MAN1A1: variants seen among roughly 807,000 people sequenced by gnomAD.
MAN1A1 encodes the protein mannosidase alpha class 1A member 1, also known as mannosyl-oligosaccharide 1,2-alpha-mannosidase IA.
In MAN1A1, 29 loss-of-function variants were observed where a neutral mutation model predicts 70.8. The observed-to-expected ratio is 0.41, with a 90% CI of 0.31 to 0.56. The LOEUF (loss-of-function observed/expected upper bound fraction) is 0.56. MAN1A1 is among the 20% of genes least tolerant of loss of function. The pLI is 0.29. For synonymous variants in MAN1A1, 349 were observed against 330.1 expected (o/e 1.06, Z -0.62); for missense variants, 747 against 841.3 (o/e 0.89, Z 1.39).
intron 6 of MAN1A1, among the ~76,000 whole-genome samples, chr6:119,226,216 T>G (rs953646404): frequency 6.6e-6 from 1 of 152,160 alleles, no homozygotes; most frequent in African/African-American, 2.4e-5. Context: ...AATATTTGAT[T>G]GCCATAACAC....
At position 119,207,245 on chromosome 6, in the gene MAN1A1, C is replaced by T. The variant is rs566372367; in HGVS notation, c.993-2363G>A. ...AAAATGGTACTCTTTTCTGTCACCA[C>T]CCCCCCAACCCCCAACCACGGAAGC... On this transcript the variant is annotated intron_variant, in intron 6 of 12. Coordinates refer to ENST00000368468, the MANE Select transcript of MAN1A1 (RefSeq NM_005907.4). Among the ~76,000 whole-genome samples the T allele has an allele frequency of 4.6e-5, 7 of 151,860 alleles. No homozygotes were observed. In the South Asian group the frequency reaches 8.3e-4, roughly 18 times the overall value.
chr6:119,330,452 AG>A (rs757448186), intron 2 of MAN1A1, among the ~76,000 whole-genome samples: 31 of 152,156 alleles, frequency 2.0e-4, no homozygotes, highest in Non-Finnish European at 3.5e-4. Context: ...AAGTATCTCA[AG>A]GATCTGTTCA....
chr6:119,306,042 C>T (rs1277733295), intron 3 of MAN1A1, among the ~76,000 whole-genome samples: 1 of 152,134 alleles, frequency 6.6e-6, no homozygotes, highest in Non-Finnish European at 1.5e-5. Flanking sequence ...GCATGAATGG[C>T]ACTTGGCACA....
chr6:119,248,204 G>T, intron 6 of MAN1A1, 56 bp downstream of exon 6: 1 of 1,166,230 alleles, frequency 8.6e-7, no homozygotes, highest in South Asian at 1.3e-5. Flanking sequence ...TACTTATTAG[G>T]CAACAATCTG....
chr6:119,256,181 A>G (rs975578), intron 5 of MAN1A1, among the ~76,000 whole-genome samples: 48,047 of 152,066 alleles, frequency 0.32, 7,916 homozygotes, highest in East Asian at 0.56. Context: ...TGAGTTTACT[A>G]ATATATAAAA....
At chr6:119,337,132 A>G (rs1773474502) in intron 2 of MAN1A1, among the ~76,000 whole-genome samples, 2 of 152,180 alleles carry the variant, frequency 1.3e-5, no homozygotes, top group South Asian at 4.1e-4. Context: ...TTACAGTCAT[A>G]TAAGAAAATG....
chr6:119,270,821 T>C (rs893805314), intron 5 of MAN1A1, among the ~76,000 whole-genome samples: 4 of 152,216 alleles, frequency 2.6e-5, no homozygotes, highest in Admixed American at 6.5e-5. Flanking sequence ...CTATTTATAA[T>C]ACAATAGAAT....
Position 119,188,393 on chromosome 6 carries a change from T to C in MAN1A1, c.1719+12A>G, listed in dbSNP as rs774030341. ...AATTTATCTATAAGAAACATGCAAATTAAAACATCACCTCTACGGCTTCCC... is the reference window on the plus strand; with the variant it reads ...AATTTATCTATAAGAAACATGCAAACTAAAACATCACCTCTACGGCTTCCC... On this transcript the variant is annotated intron_variant, in intron 11 of 12. Coordinates refer to ENST00000368468, the MANE Select transcript of MAN1A1 (RefSeq NM_005907.4). The C allele has an allele frequency of 1.3e-6, 2 of 1,581,132 alleles. No homozygotes were observed. The highest frequency in any genetic ancestry group is 1.7e-6 in the Non-Finnish European group (2 of 1,167,618).
chr6:119,257,053 A>G (rs1171003558), intron 5 of MAN1A1, among the ~76,000 whole-genome samples: 6 of 152,212 alleles, frequency 3.9e-5, no homozygotes, highest in Non-Finnish European at 8.8e-5. Context: ...AAAGTGAGTT[A>G]GGTCTAGGGG....
At position 119,179,787 on chromosome 6, in the gene MAN1A1, G is replaced by C; in HGVS notation, c.*32C>G. 1.3e-6 allele frequency: 2 copies of C among 1,590,874 alleles called. No individual in the cohort carries two copies. The highest frequency in any genetic ancestry group is 1.7e-6 in the Non-Finnish European group (2 of 1,160,516). On this transcript the variant is annotated 3_prime_UTR_variant, in exon 13 of 13. Coordinates refer to ENST00000368468, the MANE Select transcript of MAN1A1 (RefSeq NM_005907.4). ...GAATTATTAAGGTATACAGTGAAGG[G>C]AATGGAGCAGAATAAAATATAAAAT...
intron 2 of MAN1A1, among the ~76,000 whole-genome samples, chr6:119,326,426 C>A (rs968468999): frequency 6.6e-6 from 1 of 152,234 alleles, no homozygotes; most frequent in African/African-American, 2.4e-5. Flanking sequence ...TACAAACTTA[C>A]ACAAACCGGT....
chr6:119,186,971 T>C (rs1773309065), intron 11 of MAN1A1, among the ~76,000 whole-genome samples: 1 of 152,216 alleles, frequency 6.6e-6, no homozygotes, highest in African/African-American at 2.4e-5. Context: ...ATATATTATG[T>C]TAAAGAGTTG....
At chr6:119,278,856 C>A (rs1776150853) in intron 5 of MAN1A1, among the ~76,000 whole-genome samples, 1 of 152,142 alleles carries the variant, frequency 6.6e-6, no homozygotes, top group African/African-American at 2.4e-5. Flanking sequence ...CACATGCCTG[C>A]TCCCCCACTG....
intron 6 of MAN1A1, among the ~76,000 whole-genome samples, chr6:119,211,839 T>A (rs1032272799): frequency 6.8e-6 from 1 of 147,796 alleles, no homozygotes; most frequent in Non-Finnish European, 1.5e-5. Flanking sequence ...GAAATAATAG[T>A]AGGAATTTTT....
chr6:119,318,576 G>A (rs1333574426), intron 2 of MAN1A1, among the ~76,000 whole-genome samples: 3 of 152,130 alleles, frequency 2.0e-5, no homozygotes, highest in Non-Finnish European at 4.4e-5. Context: ...TTTACATTAT[G>A]TTTAAGAGTG....
At chr6:119,283,432 C>T (rs894068676) in intron 5 of MAN1A1, among the ~76,000 whole-genome samples, 5 of 152,202 alleles carry the variant, frequency 3.3e-5, no homozygotes, top group East Asian at 1.9e-4. Flanking sequence ...ACAGCAGAAA[C>T]GTCATTTTTG....
At chr6:119,318,231 C>T (rs1041985308) in intron 2 of MAN1A1, among the ~76,000 whole-genome samples, 1 of 152,198 alleles carries the variant, frequency 6.6e-6, no homozygotes, top group East Asian at 1.9e-4. Context: ...ATTTACTGAA[C>T]ACTTACACAT....
chr6:119,277,385 T>A (rs9489650), intron 5 of MAN1A1, among the ~76,000 whole-genome samples: 122,757 of 152,174 alleles, frequency 0.81, 49,916 homozygotes, highest in Non-Finnish European at 0.86. Context: ...TAAAGTGATA[T>A]CACAAGAAAG....
At chr6:119,296,567 C>T (rs1772221875) in intron 4 of MAN1A1, among the ~76,000 whole-genome samples, 1 of 152,122 alleles carries the variant, frequency 6.6e-6, no homozygotes, top group Admixed American at 6.5e-5. Context: ...GGACCTAAGC[C>T]AGTACTCAGT....
Sources: gnomAD v4.1 joint callset for allele counts (sites outside exome capture counted in the v4.1 genomes callset) on GRCh38, gnomAD v4.1.1 for gene constraint, MANE v1.5 for transcripts, NCBI Gene and HGNC (gene_info 2026-07-23, HGNC 2026-07-21) for gene names.